EML4: variants seen among roughly 807,000 people sequenced by gnomAD.
EML4 encodes the protein echinoderm microtubule-associated protein-like 4.
Under a neutral mutation model 129.0 loss-of-function variants are expected in EML4, and 72 were observed. That is an observed-to-expected ratio of 0.56 (90% confidence interval 0.46 to 0.68). EML4 has a LOEUF of 0.68. Ranked by LOEUF, EML4 falls within the 30% of genes least tolerant of loss-of-function variation. The pLI is 0.00. For synonymous variants in EML4, 532 were observed against 405.0 expected, an observed-to-expected ratio of 1.31 and a Z score of -3.77; for missense variants, 1,363 against 1,190.6, an observed-to-expected ratio of 1.14 and a Z score of -2.13.
intron 17 of EML4, among the ~76,000 whole-genome samples, chr2:42,313,296 A>G (rs1669063763): frequency 6.6e-6 from 1 of 152,152 alleles, no homozygotes; most frequent in Non-Finnish European, 1.5e-5. Flanking sequence ...TTGATGTCTC[A>G]TATCACCCTT....
At chr2:42,228,786 C>A (rs188704020) in intron 1 of EML4, among the ~76,000 whole-genome samples, 1 of 152,252 alleles carries the variant, frequency 6.6e-6, no homozygotes, top group Non-Finnish European at 1.5e-5. Flanking sequence ...TATTTACCTT[C>A]TTCTCTCCCC....
intron 19 of EML4, among the ~76,000 whole-genome samples, chr2:42,322,135 G>C (rs540121190): frequency 3.9e-5 from 6 of 152,336 alleles, no homozygotes; most frequent in African/African-American, 1.4e-4. Flanking sequence ...TCCAGGAACA[G>C]ATTTATGTTT....
chr2:42,267,826 G>C (rs1225430027), intron 6 of EML4, among the ~76,000 whole-genome samples: 1 of 152,200 alleles, frequency 6.6e-6, no homozygotes, highest in Middle Eastern at 3.4e-3. Context: ...CCCTAGTTCT[G>C]CTGGGTTGTG....
chr2:42,247,365 A>G (rs1675478096), intron 2 of EML4, among the ~76,000 whole-genome samples: 1 of 152,182 alleles, frequency 6.6e-6, no homozygotes, highest in African/African-American at 2.4e-5. Context: ...GACCGTAGAC[A>G]TTTGAAAGAG....
chr2:42,245,094 C>CTTTTTTTTTTTTTTTTTTT lies in EML4; in HGVS notation c.26-393_26-392insTTTTTTTTTTTTTTTTTTT, dbSNP rs56808218. On this transcript the variant is annotated intron_variant, in intron 1 of 22. Transcript: ENST00000318522. ...AGTTTTTTGTTTTGAAATTTTCTTT[C>CTTTTTTTTTTTTTTTTTTT]TTTTTTTTTTTTTTTTTTGAGACAG... 4.6e-3 allele frequency among the ~76,000 whole-genome samples: 303 copies of CTTTTTTTTTTTTTTTTTTT among 66,526 alleles called. 60 individuals are homozygous for CTTTTTTTTTTTTTTTTTTT. Among genetic ancestry groups the CTTTTTTTTTTTTTTTTTTT allele is most frequent in the African/African-American group, 0.011 (167 of 15,488 alleles). The allele number at this position is 66,526 out of a possible 152,430, so 43.6% of individuals were successfully genotyped here.
intron 1 of EML4, among the ~76,000 whole-genome samples, chr2:42,183,977 C>G (rs1210400174): frequency 6.6e-6 from 1 of 152,100 alleles, no homozygotes; most frequent in Non-Finnish European, 1.5e-5. Context: ...CCTTCTGGCC[C>G]TCTTTCTTTC....
intron 1 of EML4, among the ~76,000 whole-genome samples, chr2:42,210,362 ACCACAGAGGG>A (rs1672821712): frequency 6.6e-6 from 1 of 152,188 alleles, no homozygotes; most frequent in African/African-American, 2.4e-5. Context: ...GGGGAGGAAG[ACCACAGAGGG>A]AAAGTGCCAT....
chr2:42,222,233 A>C (rs1489611107), intron 1 of EML4, among the ~76,000 whole-genome samples: 1 of 152,122 alleles, frequency 6.6e-6, no homozygotes, highest in Non-Finnish European at 1.5e-5. Flanking sequence ...ATATTTGCTT[A>C]TTTTAACAAA....
At position 42,295,503 on chromosome 2, in the gene EML4, G is replaced by A. The variant is rs751401392; in HGVS notation, c.1476G>A (p.Gly492=). The A allele has an allele frequency of 1.2e-5, 20 of 1,612,452 alleles. No homozygotes were observed. Among genetic ancestry groups the A allele is most frequent in the Non-Finnish European group, 1.6e-5 (19 of 1,179,552 alleles). Residue 492 remains glycine, a synonymous_variant, in exon 13 of 23, where the codon GGG becomes GGA. Coordinates refer to ENST00000318522, the MANE Select transcript of EML4 (RefSeq NM_019063.5). ...AAACTACTGTAGAGCCCACACCTGG[G>A]AAAGGACCTAAAGGTACAGTATTCT... The part of the protein sequence containing the change: ...WSKTTVEPTP[G]KGPKGVYQIS...
intron 11 of EML4, 39 bp downstream of exon 11, chr2:42,288,361 C>T (rs10179237): frequency 0.15 from 154,144 of 1,026,716 alleles, 13,721 homozygotes; most frequent in African/African-American, 0.37. Flanking sequence ...TTTTAGAGTA[C>T]GTTACTTGTT....
At chr2:42,266,624 G>A (rs571904778) in intron 6 of EML4, among the ~76,000 whole-genome samples, 3 of 151,634 alleles carry the variant, frequency 2.0e-5, no homozygotes, top group South Asian at 4.2e-4. Flanking sequence ...GATTACAGGC[G>A]TGAGCCACCA....
chr2:42,222,631 C>G (rs1207159450), intron 1 of EML4, among the ~76,000 whole-genome samples: 1 of 152,064 alleles, frequency 6.6e-6, no homozygotes, highest in East Asian at 1.9e-4. Flanking sequence ...TGTACACCTG[C>G]TTTCTTGTTT....
rs199947210 is a variant in EML4, at chr2:42,295,259, G to T, written c.1353G>T (p.Gly451=). Residue 451 remains glycine (G), a splice_region_variant and synonymous_variant, in exon 12 of 23, where the codon GGG becomes GGT. Coordinates refer to ENST00000318522, the MANE Select transcript of EML4 (RefSeq NM_019063.5). The part of the protein sequence containing the change: ...NSLTRKQGIF[G]KYEKPKFVQC... ...TAACAAGAAAACAGGGAATTTTTGG[G>T]GTAAGAATCAGATTGTTTTAATGTC... The T allele has an allele frequency of 1.9e-6, 3 of 1,612,422 alleles. No individual in the cohort carries two copies. Among genetic ancestry groups the T allele is most frequent in the Non-Finnish European group, 2.5e-6 (3 of 1,179,534 alleles).
intron 2 of EML4, among the ~76,000 whole-genome samples, chr2:42,247,008 T>A (rs1675447336): frequency 6.6e-6 from 1 of 152,182 alleles, no homozygotes; most frequent in Non-Finnish European, 1.5e-5. Flanking sequence ...TCTCAAAAAA[T>A]TCACCTGAGT....
intron 1 of EML4, among the ~76,000 whole-genome samples, chr2:42,202,062 G>A (rs1246803014): frequency 6.6e-6 from 1 of 150,780 alleles, no homozygotes; most frequent in Non-Finnish European, 1.5e-5. Flanking sequence ...CAGCCTGGGT[G>A]ACAGAGTGAG....
At chr2:42,245,097 T>TTTTTTC (rs71249741) in intron 1 of EML4, among the ~76,000 whole-genome samples, 13,871 of 111,900 alleles carry the variant, frequency 0.12, 2,309 homozygotes, top group East Asian at 0.25. Flanking sequence ...TTTCTTTCTT[T>TTTTTTC]TTTTTTTTTT....
intron 16 of EML4, among the ~76,000 whole-genome samples, chr2:42,303,952 TAGC>T (rs1668452302): frequency 6.6e-6 from 1 of 152,132 alleles, no homozygotes; most frequent in Non-Finnish European, 1.5e-5. Flanking sequence ...AGAAGTAAGT[TAGC>T]AGCGTAAAAG....
chr2:42,190,901 CCAAA>C (rs2103898698), intron 1 of EML4, among the ~76,000 whole-genome samples: 1 of 152,214 alleles, frequency 6.6e-6, no homozygotes, highest in African/African-American at 2.4e-5. Flanking sequence ...ATTTTTTTCC[CCAAA>C]CATTGAAAAA....
At chr2:42,301,530 T>A in intron 14 of EML4, 138 bp downstream of exon 14, 1 of 630,968 alleles carries the variant, frequency 1.6e-6, no homozygotes, top group East Asian at 3.3e-5. Context: ...GAAAGGAGTT[T>A]GTTGTTGCCT....
Sources: allele counts gnomAD v4.1 joint callset (sites outside exome capture counted in the v4.1 genomes callset), GRCh38; gene constraint gnomAD v4.1.1; transcripts MANE v1.5; gene names NCBI Gene and HGNC (gene_info 2026-07-23, HGNC 2026-07-21).